Variants in CERK observed in about 807,000 individuals in gnomAD.
The protein encoded by CERK is acylsphingosine kinase.
In CERK, 39 loss-of-function variants were observed where a neutral mutation model predicts 63.4. The observed-to-expected ratio is 0.61, with a 90% CI of 0.48 to 0.80. CERK has a LOEUF of 0.80. CERK is among the 30% of genes least tolerant of loss of function. CERK has a pLI of 0.00. For synonymous variants in CERK, 302 were observed against 280.0 expected (o/e 1.08, Z -0.78); for missense variants, 670 against 714.1 (o/e 0.94, Z 0.70).
intron 1 of CERK, among the ~76,000 whole-genome samples, chr22:46,722,540 C>G (rs2082897494): frequency 1.3e-5 from 2 of 150,434 alleles, no homozygotes; most frequent in African/African-American, 2.4e-5. Flanking sequence ...CGGTGTGCCC[C>G]ACCTGGGCCT....
intron 1 of CERK, among the ~76,000 whole-genome samples, chr22:46,731,737 G>T (rs536129910): frequency 6.6e-6 from 1 of 152,188 alleles, no homozygotes; most frequent in Non-Finnish European, 1.5e-5. Flanking sequence ...GGAGCAGGTG[G>T]GGGCAGGGCC....
At chr22:46,707,630 G>T (rs867375000) in intron 6 of CERK, among the ~76,000 whole-genome samples, 1 of 152,230 alleles carries the variant, frequency 6.6e-6, no homozygotes, top group Admixed American at 6.5e-5. Flanking sequence ...GCAGCCTTTG[G>T]GGGAGTCGGG....
intron 9 of CERK, chr22:46,693,922 C>G (rs528500986): frequency 9.5e-6 from 2 of 209,444 alleles, no homozygotes; most frequent in Non-Finnish European, 2.0e-5. Flanking sequence ...GCAAATAACT[C>G]AGAACCATCA....
intron 1 of CERK, among the ~76,000 whole-genome samples, chr22:46,737,468 C>A (rs2082980487): frequency 6.6e-6 from 1 of 152,214 alleles, no homozygotes; most frequent in Non-Finnish European, 1.5e-5. Flanking sequence ...GGCACGGAAA[C>A]CAATTCCCCC....
At chr22:46,707,220 C>T (rs1569323571) in intron 6 of CERK, among the ~76,000 whole-genome samples, 1 of 150,146 alleles carries the variant, frequency 6.7e-6, no homozygotes, top group Non-Finnish European at 1.5e-5. Context: ...GGACAGACAC[C>T]TCGTCCCCTG....
intron 4 of CERK, 129 bp downstream of exon 4, chr22:46,712,039 A>G: frequency 1.0e-6 from 1 of 986,268 alleles, no homozygotes; most frequent in South Asian, 1.6e-5. Flanking sequence ...GTGACCCACA[A>G]TTGCACCACT....
In CERK at chr22:46,711,061, T is replaced by A. The variant is rs766682889; in HGVS notation, c.569+25A>T. ...ACTTTTTCATTAACAATGGACTTGA[T>A]GGCGATGAAAGACGGCTTACTCACC... On this transcript the variant is annotated intron_variant, in intron 5 of 12. Coordinates refer to ENST00000216264, the MANE Select transcript of CERK (RefSeq NM_022766.6). 4 of 1,596,868 alleles carry A rather than the reference T, an allele frequency of 2.5e-6. No individual in the cohort carries two copies. In the Admixed American group the frequency reaches 6.7e-5, roughly 27 times the overall value.
intron 1 of CERK, among the ~76,000 whole-genome samples, chr22:46,734,976 A>G (rs1026573515): frequency 6.6e-6 from 1 of 152,142 alleles, no homozygotes; most frequent in African/African-American, 2.4e-5. Context: ...CTGCCCAACG[A>G]GTTCACCACC....
At position 46,712,230 on chromosome 22, in the gene CERK, C is replaced by T. The variant is rs188039944; in HGVS notation, c.443G>A (p.Arg148Gln). The T allele has an allele frequency of 2.0e-5, 33 of 1,614,060 alleles. No individual in the cohort carries two copies. The Middle Eastern group carries it at 9.9e-4, about 48-fold the overall frequency. ...NPFGGKGQGK[R>Q]IYERKVAPLF... is the part of the protein sequence containing the mutation. The stretch of plus-strand genomic sequence containing the variant: ...TGGTGCCACTTTTCTTTCATATATC[C>T]GCTTGCCTTGTCCTTTTCCTCCAAA... The change falls in exon 4 of 13, where the codon CGG becomes CAG. Residue 148 changes from arginine to glutamine, a missense_variant. Coordinates refer to ENST00000216264, the MANE Select transcript of CERK (RefSeq NM_022766.6).
intron 6 of CERK, among the ~76,000 whole-genome samples, chr22:46,706,206 G>C (rs766913495): frequency 9.2e-5 from 14 of 152,222 alleles, no homozygotes; most frequent in Non-Finnish European, 1.8e-4. Flanking sequence ...GCCCCACCGA[G>C]GACACATGAG....
intron 1 of CERK, among the ~76,000 whole-genome samples, chr22:46,732,112 C>T (rs956844616): frequency 2.0e-5 from 3 of 152,114 alleles, no homozygotes; most frequent in Admixed American, 6.5e-5. Flanking sequence ...TCCGGACAGC[C>T]GAATCGAGAA....
intron 3 of CERK, 61 bp downstream of exon 3, chr22:46,720,025 C>T: frequency 1.3e-6 from 2 of 1,576,876 alleles, no homozygotes; most frequent in East Asian, 4.6e-5. Flanking sequence ...GGAAGATCAC[C>T]CAATCAGGCA....
At chr22:46,701,413 C>T (rs1339577200) in intron 7 of CERK, among the ~76,000 whole-genome samples, 1 of 152,266 alleles carries the variant, frequency 6.6e-6, no homozygotes, top group Non-Finnish European at 1.5e-5. Flanking sequence ...AGAACTCGGC[C>T]CACACTGGGC....
At chr22:46,718,310 C>T (rs1490781204) in intron 3 of CERK, among the ~76,000 whole-genome samples, 3 of 152,106 alleles carry the variant, frequency 2.0e-5, no homozygotes, top group African/African-American at 7.2e-5. Context: ...GGAATCCAGT[C>T]AGCCAAAGTC....
Position 46,698,439 on chromosome 22 carries a change from T to C in CERK, c.943+874A>G, listed in dbSNP as rs140997891. On this transcript the variant is annotated intron_variant, in intron 8 of 12. Coordinates refer to ENST00000216264, the MANE Select transcript of CERK (RefSeq NM_022766.6). ...AGTGTATCTCACTTGTATGGCTAGC[T>C]ACGGTGTAACCCCAACAAAACCACG... 4.9e-3 allele frequency among the ~76,000 whole-genome samples: 741 copies of C among 152,358 alleles called. 7 individuals are homozygous for C. The highest frequency in any genetic ancestry group is 0.017 in the African/African-American group (698 of 41,584).
intron 3 of CERK, among the ~76,000 whole-genome samples, chr22:46,717,896 C>T (rs2082873908): frequency 1.4e-5 from 2 of 147,966 alleles, no homozygotes; most frequent in South Asian, 2.1e-4. Flanking sequence ...GTCTGGCCAA[C>T]ACGGCGAAAC....
At position 46,691,776 on chromosome 22, in the gene CERK, C is replaced by T. The variant is rs143626091; in HGVS notation, c.1128G>A (p.Glu376=). 8 of 1,606,596 alleles carry T rather than the reference C, an allele frequency of 5.0e-6. No homozygotes were observed. In the African/African-American group the frequency reaches 1.1e-4, roughly 21 times the overall value. The change falls in exon 11 of 13, where the codon GAG becomes GAA. Residue 376 remains glutamate, a splice_region_variant and synonymous_variant. Coordinates refer to ENST00000216264, the MANE Select transcript of CERK (RefSeq NM_022766.6). ...AGACGACTTGCCACTCCTCCACGTCCTCTGAAGCACAAAGAACCACGGAGA... is the reference window on the plus strand; with the variant it reads ...AGACGACTTGCCACTCCTCCACGTCTTCTGAAGCACAAAGAACCACGGAGA... The part of the protein sequence containing the change: ...KKALYGLEAA[E]DVEEWQVVCG...
intron 6 of CERK, among the ~76,000 whole-genome samples, chr22:46,707,370 A>G (rs1034010303): frequency 4.6e-5 from 7 of 152,240 alleles, no homozygotes; most frequent in Admixed American, 2.0e-4. Flanking sequence ...TTCAGGACAC[A>G]GCCCAGCTGT....
At chr22:46,708,379 C>T (rs182936231) in intron 5 of CERK, among the ~76,000 whole-genome samples, 123 of 152,340 alleles carry the variant, frequency 8.1e-4, no homozygotes, top group African/African-American at 2.5e-3. Flanking sequence ...CCAGGTGACC[C>T]GCACTGCGGG....
Sources: allele counts gnomAD v4.1 joint callset (sites outside exome capture counted in the v4.1 genomes callset), GRCh38; gene constraint gnomAD v4.1.1; transcripts MANE v1.5; gene names NCBI Gene and HGNC (gene_info 2026-07-23, HGNC 2026-07-21).